Variants in VPS13B observed in about 807,000 individuals in gnomAD.
VPS13B encodes vacuolar protein sorting 13 homolog B.
Under a neutral mutation model 426.4 loss-of-function variants are expected in VPS13B, and 285 were observed. The observed-to-expected ratio is 0.67, with a 90% confidence interval of 0.61 to 0.74. VPS13B has a LOEUF of 0.74. Among genes scored for constraint, VPS13B ranks in the 30% least tolerant of loss-of-function variants. VPS13B has a pLI of 0.00. For missense variants in VPS13B, 4,537 were observed against 4,782.6 expected, an observed-to-expected ratio of 0.95 and a Z score of 1.51; for synonymous variants, 1,676 against 1,676.4, an observed-to-expected ratio of 1.00 and a Z score of 0.01.
chr8:99,732,516 A>G (rs903652126), intron 39 of VPS13B, among the ~76,000 whole-genome samples: 1 of 152,238 alleles, frequency 6.6e-6, no homozygotes, highest in Admixed American at 6.5e-5. Flanking sequence ...TTAAAAGGGA[A>G]ATGGGGCTCG....
chr8:99,018,619 T>G (rs1841732856), intron 2 of VPS13B, among the ~76,000 whole-genome samples: 2 of 152,204 alleles, frequency 1.3e-5, no homozygotes, highest in African/African-American at 2.4e-5. Context: ...TGCAGTGGGC[T>G]AGGACCTTTT....
At chr8:99,054,852 G>T (rs551314989) in intron 3 of VPS13B, among the ~76,000 whole-genome samples, 19 of 152,146 alleles carry the variant, frequency 1.2e-4, no homozygotes, top group African/African-American at 4.1e-4. Flanking sequence ...CCACTGAATG[G>T]TCTTGTCACT....
chr8:99,209,829 A>G (rs1814969648), intron 17 of VPS13B: 1 of 751,494 alleles, frequency 1.3e-6, no homozygotes, highest in Admixed American at 6.3e-5. Flanking sequence ...AGTTTATTCT[A>G]AAAAGTTTTC....
At chr8:99,149,947 G>A (rs1810969954) in intron 14 of VPS13B, among the ~76,000 whole-genome samples, 1 of 152,130 alleles carries the variant, frequency 6.6e-6, no homozygotes, top group African/African-American at 2.4e-5. Flanking sequence ...TCTCCTGTCT[G>A]TGGAAAGATT....
At chr8:99,375,706 A>G (rs1428113658) in intron 19 of VPS13B, among the ~76,000 whole-genome samples, 1 of 152,196 alleles carries the variant, frequency 6.6e-6, no homozygotes, top group Admixed American at 6.5e-5. Context: ...CTGTTTAGCC[A>G]AAATTATCCA....
chr8:99,240,122 A>C (rs1326702753), intron 17 of VPS13B, among the ~76,000 whole-genome samples: 1 of 152,174 alleles, frequency 6.6e-6, no homozygotes, highest in Non-Finnish European at 1.5e-5. Flanking sequence ...TAGTGCATTC[A>C]AGCTCATTTT....
intron 21 of VPS13B, among the ~76,000 whole-genome samples, chr8:99,429,403 G>A (rs533076373): frequency 2.2e-4 from 33 of 150,024 alleles, no homozygotes; most frequent in Admixed American, 2.1e-3. Flanking sequence ...TAAGTTACTA[G>A]CCAAATAACT....
chr8:99,336,458 G>A (rs1338147090), intron 19 of VPS13B, among the ~76,000 whole-genome samples: 1 of 152,028 alleles, frequency 6.6e-6, no homozygotes, highest in African/African-American at 2.4e-5. Context: ...GCATGGGCAA[G>A]GACTTCATGT....
chr8:99,559,596 A>T (rs1408301439), intron 31 of VPS13B, among the ~76,000 whole-genome samples: 1 of 152,132 alleles, frequency 6.6e-6, no homozygotes, highest in Non-Finnish European at 1.5e-5. Context: ...AGGTGTAAGG[A>T]AGGGATTGAG....
intron 16 of VPS13B, among the ~76,000 whole-genome samples, chr8:99,183,058 G>T (rs1167632447): frequency 6.6e-6 from 1 of 152,040 alleles, no homozygotes; most frequent in Non-Finnish European, 1.5e-5. Flanking sequence ...TATATTTAAT[G>T]GTAGGCCGTC....
At chr8:99,189,791 A>ATATT (rs1328562737) in intron 16 of VPS13B, among the ~76,000 whole-genome samples, 1 of 152,058 alleles carries the variant, frequency 6.6e-6, no homozygotes, top group African/African-American at 2.4e-5. Context: ...TAACTTTATG[A>ATATT]TATTAGTTTA....
intron 42 of VPS13B, among the ~76,000 whole-genome samples, chr8:99,781,268 A>G (rs772406788): frequency 8.5e-5 from 13 of 152,162 alleles, no homozygotes; most frequent in Non-Finnish European, 1.9e-4. Context: ...AATTTGTTTT[A>G]TATTTCTATG....
intron 19 of VPS13B, among the ~76,000 whole-genome samples, chr8:99,354,253 C>CCCCT (rs1159508680): frequency 7.3e-6 from 1 of 136,658 alleles, no homozygotes; most frequent in Non-Finnish European, 1.6e-5. Context: ...CTACTGTAGC[C>CCCCT]CCCTCCCCCT....
intron 23 of VPS13B, among the ~76,000 whole-genome samples, chr8:99,454,705 T>TA (rs1288281401): frequency 6.6e-6 from 1 of 152,134 alleles, no homozygotes; most frequent in Admixed American, 6.5e-5. Flanking sequence ...TTCGGTAATA[T>TA]ACCACCAGAC....
chr8:99,722,056 G>A (rs994752969), intron 39 of VPS13B, among the ~76,000 whole-genome samples: 3 of 152,196 alleles, frequency 2.0e-5, no homozygotes, highest in Admixed American at 6.5e-5. Flanking sequence ...TGGCCTGCAA[G>A]GACCTATAGT....
At chr8:99,829,679 T>C (rs1814933001) in intron 51 of VPS13B, among the ~76,000 whole-genome samples, 1 of 152,238 alleles carries the variant, frequency 6.6e-6, no homozygotes. Context: ...AGAGGCATTC[T>C]GGTTTTTGGA....
intron 3 of VPS13B, among the ~76,000 whole-genome samples, chr8:99,072,554 C>G (rs13275821): frequency 6.6e-6 from 1 of 151,928 alleles, no homozygotes; most frequent in Non-Finnish European, 1.5e-5. Context: ...GCCAGGGGTG[C>G]GGGGCCGAGG....
At chr8:99,418,844 T>G (rs1816221503) in intron 21 of VPS13B, among the ~76,000 whole-genome samples, 1 of 152,242 alleles carries the variant, frequency 6.6e-6, no homozygotes. Context: ...TTCAAATTAT[T>G]GCCTAGAAAT....
At chr8:99,117,585 T>C (rs1462186572) in intron 7 of VPS13B, among the ~76,000 whole-genome samples, 1 of 152,188 alleles carries the variant, frequency 6.6e-6, no homozygotes, top group East Asian at 1.9e-4. Flanking sequence ...TTATGGCATA[T>C]TCATACATTG....
Sources: allele counts gnomAD v4.1 joint callset (sites outside exome capture counted in the v4.1 genomes callset), GRCh38; gene constraint gnomAD v4.1.1; transcripts MANE v1.5; gene names NCBI Gene and HGNC (gene_info 2026-07-23, HGNC 2026-07-21).